FARP2: variants seen among roughly 807,000 people sequenced by gnomAD.
The protein encoded by FARP2 is FERM, ARH/RhoGEF and pleckstrin domain protein 2.
Under a neutral mutation model 130.5 loss-of-function variants are expected in FARP2, and 111 were observed. The ratio of observed to expected loss-of-function variants is 0.85; its 90% confidence interval spans 0.73 to 1.00. The LOEUF (loss-of-function observed/expected upper bound fraction) is 1.00. FARP2 is among the 50% of genes least tolerant of loss of function. FARP2 has a pLI of 0.00. For synonymous variants in FARP2, 504 were observed against 516.9 expected (o/e 0.98, Z 0.34); for missense variants, 1,385 against 1,346.3 (o/e 1.03, Z -0.45).
intron 13 of FARP2, chr2:241,441,852 C>T (rs1021405277): frequency 1.2e-5 from 6 of 496,870 alleles, no homozygotes; most frequent in Non-Finnish European, 2.2e-5. Flanking sequence ...TTGCTGGAGG[C>T]TCTGAGGCGT....
intron 7 of FARP2, among the ~76,000 whole-genome samples, chr2:241,416,208 GC>G (rs374229740): frequency 2.0e-5 from 3 of 152,016 alleles, no homozygotes; most frequent in Non-Finnish European, 4.4e-5. Context: ...ATGTTCTTGT[GC>G]CTGTGTCTCT....
intron 8 of FARP2, among the ~76,000 whole-genome samples, chr2:241,420,316 G>A (rs1383126644): frequency 6.6e-6 from 1 of 152,142 alleles, no homozygotes; most frequent in Non-Finnish European, 1.5e-5. Context: ...ACTCTGTATA[G>A]TAGCTACTGC....
chr2:241,453,909 G>A (rs2063763183), intron 13 of FARP2, among the ~76,000 whole-genome samples: 1 of 148,482 alleles, frequency 6.7e-6, no homozygotes, highest in Non-Finnish European at 1.5e-5. Context: ...TCAGCCTCCT[G>A]AGTAGGTGGT....
chr2:241,450,450 G>A (rs4675955), intron 13 of FARP2, among the ~76,000 whole-genome samples: 1 of 151,160 alleles, frequency 6.6e-6, no homozygotes, highest in East Asian at 2.0e-4. Flanking sequence ...GGCGGATCAC[G>A]AGGTCAGGAG....
At chr2:241,364,746 G>T (rs1448984193) in intron 1 of FARP2, among the ~76,000 whole-genome samples, 1 of 152,112 alleles carries the variant, frequency 6.6e-6, no homozygotes, top group Non-Finnish European at 1.5e-5. Flanking sequence ...CTTTAAATCA[G>T]TTTTTTGTTT....
chr2:241,440,132 A>C (rs191210105), intron 12 of FARP2, among the ~76,000 whole-genome samples: 20 of 152,324 alleles, frequency 1.3e-4, no homozygotes, highest in African/African-American at 4.6e-4. Context: ...CTGAAAGCCT[A>C]GTAACTAAGC....
chr2:241,421,090 A>T lies in FARP2; in HGVS notation c.771+2981A>T, dbSNP rs888804295. Among the ~76,000 whole-genome samples, 5 of 152,186 alleles carry T rather than the reference A, an allele frequency of 3.3e-5. No individual in the cohort carries two copies. The East Asian group carries it at 9.6e-4, about 29-fold the overall frequency. On this transcript the variant is annotated intron_variant, in intron 8 of 26. Coordinates refer to ENST00000264042, the MANE Select transcript of FARP2 (RefSeq NM_014808.4). ...GCAGCATGGAGCCAAAGGAACCCCC[A>T]TCCCCAGCCAAGAGAAATGGTGAGT... is the stretch of plus-strand genomic sequence containing the variant.
intron 2 of FARP2, among the ~76,000 whole-genome samples, chr2:241,396,589 A>C (rs1227394953): frequency 6.6e-6 from 1 of 152,358 alleles, no homozygotes; most frequent in East Asian, 1.9e-4. Flanking sequence ...AAAAATGCTC[A>C]TCATCACTGG....
At chr2:241,492,789 GC>G in intron 24 of FARP2, 139 bp from the exon 25 acceptor site, 1 of 594,094 alleles carries the variant, frequency 1.7e-6, no homozygotes, top group Non-Finnish European at 3.0e-6. Flanking sequence ...TGATAAAGCT[GC>G]TGTTCATAGC....
chr2:241,428,050 G>A (rs1479450130), intron 8 of FARP2, among the ~76,000 whole-genome samples: 2 of 151,814 alleles, frequency 1.3e-5, no homozygotes, highest in Non-Finnish European at 2.9e-5. Flanking sequence ...ACAGGCATGA[G>A]CCACCACGCC....
chr2:241,377,893 A>T (rs1444064814), intron 2 of FARP2, among the ~76,000 whole-genome samples: 2 of 152,210 alleles, frequency 1.3e-5, no homozygotes, highest in Non-Finnish European at 2.9e-5. Context: ...GCTGGGTCAC[A>T]TGGGAAATCT....
In FARP2 at chr2:241,453,484, T is replaced by C. The variant is rs552936485; in HGVS notation, c.1412-3263T>C. Reference sequence around the variant, plus strand: ...AAAAATACAAAAAATTAGCCAGGCATGGTGGTGGGAGCCTGTAGTCCCAGC... The same window carrying C: ...AAAAATACAAAAAATTAGCCAGGCACGGTGGTGGGAGCCTGTAGTCCCAGC... On this transcript the variant is annotated intron_variant, in intron 13 of 26. Transcript: ENST00000264042. Among the ~76,000 whole-genome samples the C allele has an allele frequency of 1.6e-3, 246 of 151,706 alleles. 3 individuals carry two copies. Among genetic ancestry groups the C allele is most frequent in the African/African-American group, 5.8e-3 (238 of 41,338 alleles).
At chr2:241,424,946 C>T (rs1414416639) in intron 8 of FARP2, among the ~76,000 whole-genome samples, 1 of 152,146 alleles carries the variant, frequency 6.6e-6, no homozygotes, top group Non-Finnish European at 1.5e-5. Context: ...CAGTGGCTCA[C>T]GTCTGAATCC....
At position 241,420,651 on chromosome 2, in the gene FARP2, T is replaced by A. The variant is rs1253619792; in HGVS notation, c.771+2542T>A. On this transcript the variant is annotated intron_variant, in intron 8 of 26. Coordinates refer to ENST00000264042, the MANE Select transcript of FARP2 (RefSeq NM_014808.4). ...GCTGCCCCAGTCCATCCCCACCCCATGTCTCCTACCTGGTCTGCACGCCAG... is the reference window on the plus strand; with the variant it reads ...GCTGCCCCAGTCCATCCCCACCCCAAGTCTCCTACCTGGTCTGCACGCCAG... 4.6e-5 allele frequency among the ~76,000 whole-genome samples: 7 copies of A among 152,148 alleles called. No individual in the cohort carries two copies. The East Asian group carries it at 1.4e-3, about 29-fold the overall frequency.
intron 18 of FARP2, among the ~76,000 whole-genome samples, chr2:241,474,388 A>G (rs2064400715): frequency 1.4e-5 from 2 of 146,812 alleles, no homozygotes; most frequent in Admixed American, 6.8e-5. Context: ...CATGCTAACA[A>G]ATCTGCCCAG....
At chr2:241,434,351 C>T (rs184559589) in intron 10 of FARP2, 30 bp downstream of exon 10, 18 of 1,524,506 alleles carry the variant, frequency 1.2e-5, no homozygotes, top group Admixed American at 2.3e-5. Context: ...TTGCATGGGC[C>T]CCTCACTGGT....
intron 13 of FARP2, chr2:241,447,271 A>G (rs1375385713): frequency 6.6e-6 from 1 of 152,218 alleles, no homozygotes; most frequent in Non-Finnish European, 1.5e-5. Context: ...TGACATCTTC[A>G]TAGGCTTCTG....
intron 18 of FARP2, among the ~76,000 whole-genome samples, chr2:241,469,281 T>TGGCCTATAGAG (rs2064250613): frequency 6.6e-6 from 1 of 152,114 alleles, no homozygotes; most frequent in South Asian, 2.1e-4. Flanking sequence ...GAGATAGGGT[T>TGGCCTATAGAG]TCACCGTGTT....
intron 5 of FARP2, among the ~76,000 whole-genome samples, chr2:241,409,107 C>T (rs1431667883): frequency 6.6e-6 from 1 of 151,578 alleles, no homozygotes; most frequent in Admixed American, 6.6e-5. Flanking sequence ...CAAAGTGTCC[C>T]CTCATTCAGG....
Sources: gnomAD v4.1 joint callset for allele counts (sites outside exome capture counted in the v4.1 genomes callset) on GRCh38, gnomAD v4.1.1 for gene constraint, MANE v1.5 for transcripts, NCBI Gene and HGNC (gene_info 2026-07-23, HGNC 2026-07-21) for gene names.